The following KIAA0825 variants were observed in gnomAD, a reference collection of about 807,000 sequenced individuals.
The protein encoded by KIAA0825 is KIAA0825.
In KIAA0825, 119 loss-of-function variants were observed where a neutral mutation model predicts 147.6. The ratio of observed to expected loss-of-function variants is 0.81; its 90% CI spans 0.69 to 0.94. The LOEUF (loss-of-function observed/expected upper bound fraction) is 0.94. Among genes scored for constraint, KIAA0825 ranks in the 40% least tolerant of loss-of-function variants. The pLI is 0.00. For synonymous variants in KIAA0825, 470 were observed against 518.1 expected, an observed-to-expected ratio of 0.91 and a Z score of 1.26; for missense variants, 1,381 against 1,472.7, an observed-to-expected ratio of 0.94 and a Z score of 1.02.
chr5:94,296,444 G>A (rs945954745), intron 20 of KIAA0825, among the ~76,000 whole-genome samples: 1 of 152,084 alleles, frequency 6.6e-6, no homozygotes, highest in African/African-American at 2.4e-5. Context: ...AGGCGCCACT[G>A]GGGTATGAAA....
At chr5:94,388,220 G>C (rs1749433200) in intron 18 of KIAA0825, among the ~76,000 whole-genome samples, 1 of 152,128 alleles carries the variant, frequency 6.6e-6, no homozygotes, top group Admixed American at 6.5e-5. Flanking sequence ...AGAATCTAAT[G>C]CTGCTGCTGA....
At chr5:94,351,414 G>A (rs560918569) in intron 20 of KIAA0825, among the ~76,000 whole-genome samples, 11 of 152,090 alleles carry the variant, frequency 7.2e-5, no homozygotes, top group African/African-American at 2.4e-4. Context: ...GGAAAACTAC[G>A]AAACACTGCT....
chr5:94,310,310 C>G (rs146515340), intron 20 of KIAA0825, among the ~76,000 whole-genome samples: 334 of 151,706 alleles, frequency 2.2e-3, no homozygotes, highest in African/African-American at 7.6e-3. Context: ...CTTACTGAAA[C>G]GGGATCAGGC....
intron 20 of KIAA0825, among the ~76,000 whole-genome samples, chr5:94,298,536 G>GA (rs1328413062): frequency 6.6e-6 from 1 of 152,076 alleles, no homozygotes; most frequent in Non-Finnish European, 1.5e-5. Flanking sequence ...TTTCGGGATG[G>GA]AAAAAAATGA....
chr5:94,466,350 G>A (rs1395291194), intron 10 of KIAA0825, among the ~76,000 whole-genome samples: 1 of 152,058 alleles, frequency 6.6e-6, no homozygotes, highest in African/African-American at 2.4e-5. Flanking sequence ...AGAAACTTGG[G>A]CATCAAAATG....
intron 20 of KIAA0825, 75 bp downstream of exon 20, chr5:94,384,293 A>G: frequency 2.0e-6 from 2 of 982,474 alleles, no homozygotes; most frequent in Non-Finnish European, 1.6e-6. Context: ...AAATCTGTGT[A>G]CGTGTATACA....
chr5:94,544,042 C>T (rs906511577), intron 2 of KIAA0825, among the ~76,000 whole-genome samples: 1 of 152,194 alleles, frequency 6.6e-6, no homozygotes, highest in African/African-American at 2.4e-5. Context: ...TCTTAATACA[C>T]TTGCTTTCAC....
At chr5:94,216,381 C>T (rs1177792404) in intron 20 of KIAA0825, among the ~76,000 whole-genome samples, 2 of 152,080 alleles carry the variant, frequency 1.3e-5, no homozygotes, top group Non-Finnish European at 2.9e-5. Flanking sequence ...AGATGAGAAA[C>T]GTTTGTACTT....
intron 20 of KIAA0825, among the ~76,000 whole-genome samples, chr5:94,211,579 A>G (rs1017368787): frequency 6.6e-6 from 1 of 152,094 alleles, no homozygotes; most frequent in Non-Finnish European, 1.5e-5. Context: ...AGCTTCCTCT[A>G]TTAAAACACG....
At chr5:94,338,906 A>T (rs1215555036) in intron 20 of KIAA0825, among the ~76,000 whole-genome samples, 1 of 152,186 alleles carries the variant, frequency 6.6e-6, no homozygotes, top group East Asian at 1.9e-4. Flanking sequence ...TCTCTATTAC[A>T]ATAATAAAGA....
rs1444902367 is a variant in KIAA0825, at chr5:94,603,425, G to A, written c.-153+15075C>T. On this transcript the variant is annotated intron_variant, in intron 1 of 20. Transcript: ENST00000682413. ...TGCCTTACAAGAGCTACTGAAAGAA[G>A]CACTAAATGTAAAAAGGAAAAAATA... 3.3e-5 allele frequency among the ~76,000 whole-genome samples: 5 copies of A among 152,228 alleles called. No homozygotes were observed. In the East Asian group the frequency reaches 9.6e-4, roughly 29 times the overall value.
chr5:94,511,396 A>G (rs1461584893), intron 5 of KIAA0825, among the ~76,000 whole-genome samples: 7 of 152,120 alleles, frequency 4.6e-5, no homozygotes, highest in Non-Finnish European at 7.4e-5. Context: ...CAAGGAGGGC[A>G]GATCACCTGA....
chr5:94,388,005 T>C (rs1234097634), intron 18 of KIAA0825, among the ~76,000 whole-genome samples: 1 of 152,206 alleles, frequency 6.6e-6, no homozygotes, highest in African/African-American at 2.4e-5. Context: ...TTACTTGTTA[T>C]AGAGCAGCAG....
At position 94,286,811 on chromosome 5, in the gene KIAA0825, C is replaced by T. The variant is rs554001443; in HGVS notation, c.3710+97557G>A. On this transcript the variant is annotated intron_variant, in intron 20 of 20. Coordinates refer to ENST00000682413, the MANE Select transcript of KIAA0825 (RefSeq NM_001145678.3). The stretch of plus-strand genomic sequence containing the variant: ...ACACGGAGCTGTCTTGAAACGCTGG[C>T]TTCACCTATGGGGGACTGTGTCCTG... Among the ~76,000 whole-genome samples, 9 of 152,240 alleles carry T rather than the reference C, an allele frequency of 5.9e-5. 1 individual carries two copies. Among genetic ancestry groups the T allele is most frequent in the Admixed American group, 5.2e-4 (8 of 15,284 alleles).
chr5:94,565,760 T>C lies in KIAA0825; in HGVS notation c.-2+16673A>G, dbSNP rs546455882. 1.5e-3 allele frequency among the ~76,000 whole-genome samples: 233 copies of C among 152,326 alleles called. 1 individual carries two copies. The highest frequency in any genetic ancestry group is 5.4e-3 in the African/African-American group (223 of 41,566). ...ATTTTACTTTTAAAATTATTTTTAATTGATAAATTATAATTGAATATATTT... is the reference window on the plus strand; with the variant it reads ...ATTTTACTTTTAAAATTATTTTTAACTGATAAATTATAATTGAATATATTT... On this transcript the variant is annotated intron_variant, in intron 2 of 20. Coordinates refer to ENST00000682413, the MANE Select transcript of KIAA0825 (RefSeq NM_001145678.3).
chr5:94,562,456 G>A (rs1447357868), intron 2 of KIAA0825, among the ~76,000 whole-genome samples: 1 of 152,178 alleles, frequency 6.6e-6, no homozygotes, highest in Non-Finnish European at 1.5e-5. Flanking sequence ...AATAGAGAGT[G>A]TCAGTGTCAA....
chr5:94,422,208 T>G (rs1236842439), intron 14 of KIAA0825, among the ~76,000 whole-genome samples: 2 of 152,182 alleles, frequency 1.3e-5, no homozygotes, highest in African/African-American at 4.8e-5. Flanking sequence ...TTCACGGAAT[T>G]CTGACTTTCC....
At chr5:94,363,174 C>CTTTTTTTTTTTTTT (rs70978103) in intron 20 of KIAA0825, among the ~76,000 whole-genome samples, 1 of 135,140 alleles carries the variant, frequency 7.4e-6, no homozygotes. Flanking sequence ...AACCAGTTTT[C>CTTTTTTTTTTTTTT]TTTTTTTTTT....
intron 20 of KIAA0825, among the ~76,000 whole-genome samples, chr5:94,359,507 A>G (rs1744771456): frequency 6.6e-6 from 1 of 152,174 alleles, no homozygotes; most frequent in Non-Finnish European, 1.5e-5. Context: ...CTGTAATCCT[A>G]ATACTTGGGG....
Sources: gnomAD v4.1 joint callset for allele counts (sites outside exome capture counted in the v4.1 genomes callset) on GRCh38, gnomAD v4.1.1 for gene constraint, MANE v1.5 for transcripts, NCBI Gene and HGNC (gene_info 2026-07-23, HGNC 2026-07-21) for gene names.